PARD3: variants seen among roughly 807,000 people sequenced by gnomAD.
PARD3 encodes par-3 family cell polarity regulator.
PARD3 carries 75 observed loss-of-function variants against 155.4 expected under a neutral mutation model. The ratio of observed to expected loss-of-function variants is 0.48; its 90% confidence interval spans 0.40 to 0.58. PARD3 has a LOEUF of 0.58. Among genes scored for constraint, PARD3 ranks in the 20% least tolerant of loss-of-function variants. The pLI is 0.00. For synonymous variants in PARD3, 576 were observed against 610.5 expected (o/e 0.94, Z 0.83); for missense variants, 1,642 against 1,721.7 (o/e 0.95, Z 0.82).
chr10:34,566,446 G>A (rs906425032), intron 2 of PARD3, among the ~76,000 whole-genome samples: 6 of 152,168 alleles, frequency 3.9e-5, no homozygotes, highest in African/African-American at 1.4e-4. Flanking sequence ...GATACCCTGG[G>A]GGAAGGCCAG....
chr10:34,746,179 G>C (rs1342679030), intron 1 of PARD3, among the ~76,000 whole-genome samples: 2 of 151,906 alleles, frequency 1.3e-5, no homozygotes, highest in African/African-American at 2.4e-5. Context: ...ATAATTTCTT[G>C]GCTGGGCACG....
chr10:34,494,329 C>G (rs1040732002), intron 3 of PARD3, among the ~76,000 whole-genome samples: 1 of 152,152 alleles, frequency 6.6e-6, no homozygotes, highest in Non-Finnish European at 1.5e-5. Flanking sequence ...AGAGGCCCAG[C>G]GTGCTAGTCA....
intron 2 of PARD3, among the ~76,000 whole-genome samples, chr10:34,688,956 G>A (rs552866797): frequency 6.6e-6 from 1 of 152,276 alleles, no homozygotes; most frequent in African/African-American, 2.4e-5. Flanking sequence ...CATTAAAGCT[G>A]TGGTTTTGTA....
intron 5 of PARD3, among the ~76,000 whole-genome samples, chr10:34,412,160 A>G (rs1845149554): frequency 6.6e-6 from 1 of 151,972 alleles, no homozygotes; most frequent in Non-Finnish European, 1.5e-5. Context: ...ACTGGGTCTC[A>G]GTATGCTGCC....
At chr10:34,607,333 C>T (rs2090546589) in intron 2 of PARD3, among the ~76,000 whole-genome samples, 1 of 152,138 alleles carries the variant, frequency 6.6e-6, no homozygotes, top group South Asian at 2.1e-4. Flanking sequence ...ATTTCACAGA[C>T]ATATCAGAAA....
chr10:34,199,191 G>A (rs545326205), intron 22 of PARD3, among the ~76,000 whole-genome samples: 8 of 152,182 alleles, frequency 5.3e-5, no homozygotes, highest in South Asian at 4.2e-4. Context: ...CAATCAGATC[G>A]GACCTCATTA....
intron 20 of PARD3, among the ~76,000 whole-genome samples, chr10:34,308,718 A>C (rs1394750626): frequency 2.0e-5 from 3 of 152,214 alleles, no homozygotes; most frequent in Non-Finnish European, 4.4e-5. Flanking sequence ...GAAAATGTCC[A>C]GGCAGGAGAG....
intron 12 of PARD3, among the ~76,000 whole-genome samples, chr10:34,368,401 G>A (rs1310729725): frequency 5.3e-5 from 8 of 152,110 alleles, no homozygotes; most frequent in Admixed American, 2.0e-4. Flanking sequence ...GGCCGGGCGC[G>A]GTGGCTCACG....
rs1407581187 is a variant in PARD3, at chr10:34,312,267, T to C, written c.3065+4840A>G. The C allele has an allele frequency of 1.7e-5, 27 of 1,603,806 alleles. No individual in the cohort carries two copies. In the East Asian group the frequency reaches 5.8e-4, roughly 35 times the overall value. On this transcript the variant is annotated intron_variant, in intron 20 of 24. Transcript: ENST00000374788. ...TCGTCAACAGCCACTAAGAATTCAT[T>C]AAAAGTAAATTTATTGTTTGTTTAA... is the stretch of plus-strand genomic sequence containing the variant.
intron 7 of PARD3, among the ~76,000 whole-genome samples, chr10:34,391,392 A>T (rs985300863): frequency 2.0e-5 from 3 of 151,568 alleles, no homozygotes; most frequent in African/African-American, 7.2e-5. Flanking sequence ...GAGCGAAGGG[A>T]GAAGGTTTTT....
At chr10:34,694,690 A>AT (rs1407257716) in intron 2 of PARD3, among the ~76,000 whole-genome samples, 1 of 151,876 alleles carries the variant, frequency 6.6e-6, no homozygotes, top group African/African-American at 2.4e-5. Context: ...CAGGATCTGC[A>AT]TTTTTTGATA....
chr10:34,655,481 A>G (rs1349995414), intron 2 of PARD3, among the ~76,000 whole-genome samples: 1 of 152,136 alleles, frequency 6.6e-6, no homozygotes, highest in Non-Finnish European at 1.5e-5. Flanking sequence ...AACCCTGGAG[A>G]AAAGTGCAGA....
At chr10:34,736,653 AATTTATTTATTT>A (rs71033344) in intron 1 of PARD3, among the ~76,000 whole-genome samples, 4 of 146,248 alleles carry the variant, frequency 2.7e-5, no homozygotes, top group African/African-American at 7.9e-5. Flanking sequence ...TTAATTAATT[AATTTATTTATTT>A]ATTTATTTAT....
At chr10:34,682,183 T>G (rs550258387) in intron 2 of PARD3, among the ~76,000 whole-genome samples, 1 of 152,284 alleles carries the variant, frequency 6.6e-6, no homozygotes, top group Admixed American at 6.5e-5. Flanking sequence ...CATTCGACTG[T>G]GCCCTTGAAA....
chr10:34,237,389 A>G (rs1953300230), intron 22 of PARD3, among the ~76,000 whole-genome samples: 1 of 152,204 alleles, frequency 6.6e-6, no homozygotes, highest in African/African-American at 2.4e-5. Context: ...TCCTGCAAAT[A>G]TGAATATAAA....
At chr10:34,216,900 T>A (rs11009681) in intron 22 of PARD3, among the ~76,000 whole-genome samples, 24,540 of 152,222 alleles carry the variant, frequency 0.16, 2,401 homozygotes, top group Middle Eastern at 0.3. Flanking sequence ...TTTTAGCAAA[T>A]GCCATCTTTA....
chr10:34,568,518 T>C (rs555899326), intron 2 of PARD3, among the ~76,000 whole-genome samples: 2 of 152,322 alleles, frequency 1.3e-5, no homozygotes, highest in South Asian at 2.1e-4. Flanking sequence ...AAATAAGATA[T>C]AAAAATCATA....
Position 34,109,968 on chromosome 10 carries a change from A to G in PARD3, c.*1201T>C, listed in dbSNP as rs1946324183. The G allele has an allele frequency of 1.3e-5, 2 of 150,218 alleles. No individual in the cohort carries two copies. Among genetic ancestry groups the G allele is most frequent in the Admixed American group, 1.3e-4 (2 of 15,098 alleles). 9.3% of individuals were successfully genotyped at this position (150,218 alleles called of 1,614,324 possible). On this transcript the variant is annotated 3_prime_UTR_variant, in exon 25 of 25. Transcript: ENST00000374788. ...TTTACAATACAGGATGTTCAGAACAATGAAGGAAGATGGGAGCCACCGAGA... is the reference window on the plus strand; with the variant it reads ...TTTACAATACAGGATGTTCAGAACAGTGAAGGAAGATGGGAGCCACCGAGA...
chr10:34,517,249 C>A lies in PARD3; in HGVS notation c.223-90G>T. The A allele has an allele frequency of 4.4e-6, 5 of 1,132,404 alleles. No homozygotes were observed. The South Asian group carries it at 6.6e-5, about 15-fold the overall frequency. 70.1% of individuals were successfully genotyped at this position (1,132,404 alleles called of 1,614,324 possible). A position where few individuals can be genotyped will look rare whatever the true frequency, so the allele number is the denominator to read the frequency against. On this transcript the variant is annotated intron_variant, in intron 2 of 24. Coordinates refer to ENST00000374788, the MANE Select transcript of PARD3 (RefSeq NM_001184785.2). Reference sequence around the variant, plus strand: ...ACTATTTTGACATAATTCTACAGTGCAAAAATACTGATATAAATGACCCTA... The same window carrying A: ...ACTATTTTGACATAATTCTACAGTGAAAAAATACTGATATAAATGACCCTA...
Sources: allele counts gnomAD v4.1 joint callset (sites outside exome capture counted in the v4.1 genomes callset), GRCh38; gene constraint gnomAD v4.1.1; transcripts MANE v1.5; gene names NCBI Gene and HGNC (gene_info 2026-07-23, HGNC 2026-07-21).